Variants in DACH1 observed in about 807,000 individuals in gnomAD.
The protein encoded by DACH1 is dachshund homolog 1.
Under a neutral mutation model 54.2 loss-of-function variants are expected in DACH1, and 12 were observed. That is an observed-to-expected ratio of 0.22 (90% CI 0.14 to 0.36). The LOEUF is 0.36. DACH1 is among the 10% of genes least tolerant of loss of function. DACH1 has a pLI of 1.00. For synonymous variants in DACH1, 386 were observed against 366.2 expected (o/e 1.05, Z -0.62); for missense variants, 805 against 929.8 (o/e 0.87, Z 1.75).
chr13:71,492,213 T>G (rs1446784156), intron 6 of DACH1, among the ~76,000 whole-genome samples: 1 of 152,180 alleles, frequency 6.6e-6, no homozygotes, highest in South Asian at 2.1e-4. Flanking sequence ...GCAAACTATA[T>G]GTTTATTCAT....
chr13:71,852,427 A>G (rs1873732972), intron 1 of DACH1, among the ~76,000 whole-genome samples: 1 of 152,060 alleles, frequency 6.6e-6, no homozygotes, highest in Admixed American at 6.6e-5. Flanking sequence ...ACAAGAAGAT[A>G]GGCATTTAAG....
chr13:71,444,839 T>A (rs1874306413), intron 10 of DACH1, among the ~76,000 whole-genome samples: 1 of 152,274 alleles, frequency 6.6e-6, no homozygotes, highest in Non-Finnish European at 1.5e-5. Flanking sequence ...CTAGGTTTAG[T>A]GGCCTGTCTA....
intron 6 of DACH1, among the ~76,000 whole-genome samples, chr13:71,521,135 T>C (rs1203869815): frequency 6.6e-6 from 1 of 152,080 alleles, no homozygotes; most frequent in African/African-American, 2.4e-5. Context: ...CTCTGTCTTA[T>C]TATCTTCATT....
chr13:71,558,293 C>A (rs186135479), intron 5 of DACH1, among the ~76,000 whole-genome samples: 2 of 151,942 alleles, frequency 1.3e-5, no homozygotes, highest in Admixed American at 1.3e-4. Flanking sequence ...TGAAAATTTT[C>A]TGTTAGTCTA....
At chr13:71,472,927 G>A (rs1271548344) in intron 10 of DACH1, among the ~76,000 whole-genome samples, 4 of 152,240 alleles carry the variant, frequency 2.6e-5, no homozygotes, top group East Asian at 1.9e-4. Context: ...AATTTTGTCT[G>A]AGGTTAGAAA....
rs191386960 is a variant in DACH1, at chr13:71,573,658, T to C, written c.1127-646A>G. 157 of 437,906 alleles carry C rather than the reference T, an allele frequency of 3.6e-4. 1 individual carries two copies. The East Asian group carries it at 5.5e-3, about 15-fold the overall frequency. 27.1% of individuals were successfully genotyped at this position (437,906 alleles called of 1,614,324 possible). On this transcript the variant is annotated intron_variant, in intron 3 of 10. Coordinates refer to ENST00000613252, the MANE Select transcript of DACH1 (RefSeq NM_080759.6). Reference sequence around the variant, plus strand: ...AACTTAAAATGAGTTTTTTAAAAAATGTATCACATTTGGAGTTGGAAAACT... The same window carrying C: ...AACTTAAAATGAGTTTTTTAAAAAACGTATCACATTTGGAGTTGGAAAACT...
intron 6 of DACH1, among the ~76,000 whole-genome samples, chr13:71,545,469 A>G (rs931270133): frequency 1.3e-5 from 2 of 151,594 alleles, no homozygotes; most frequent in African/African-American, 4.8e-5. Flanking sequence ...ACCTCAAAGT[A>G]TCTCATAGTT....
chr13:71,558,804 T>A (rs1884413781), intron 5 of DACH1, among the ~76,000 whole-genome samples: 1 of 152,066 alleles, frequency 6.6e-6, no homozygotes, highest in African/African-American at 2.4e-5. Flanking sequence ...TACACAGCAT[T>A]CAACTTAATC....
At chr13:71,780,119 C>A (rs755337576) in intron 1 of DACH1, among the ~76,000 whole-genome samples, 25 of 151,776 alleles carry the variant, frequency 1.6e-4, no homozygotes, top group Admixed American at 3.3e-4. Context: ...AGGTAAAGAT[C>A]AATAGAGATT....
rs970216736 is a variant in DACH1, at chr13:71,615,502, TATTG to T, written c.1126+15050_1126+15053del. Among the ~76,000 whole-genome samples, 12 of 152,336 alleles carry T rather than the reference TATTG, an allele frequency of 7.9e-5. No homozygotes were observed. In the South Asian group the frequency reaches 1.9e-3, roughly 24 times the overall value. On this transcript the variant is annotated intron_variant, in intron 3 of 10. Transcript: ENST00000613252. ...TTTCAATTAAAGTTTACTGGCTGAT[TATTG>T]ATTTATTTTTAAAAATATGCAGATG...
chr13:71,456,259 G>A (rs1475337813), intron 10 of DACH1, among the ~76,000 whole-genome samples: 1 of 152,038 alleles, frequency 6.6e-6, no homozygotes, highest in Non-Finnish European at 1.5e-5. Context: ...TAATAAATGT[G>A]CATATATTTA....
Position 71,440,529 on chromosome 13 carries a change from G to T in DACH1, c.*126C>A, listed in dbSNP as rs1038201881. On this transcript the variant is annotated 3_prime_UTR_variant, in exon 11 of 11. Transcript: ENST00000613252. The stretch of plus-strand genomic sequence containing the variant: ...TTTGTAGAATACTTAAACTTTTAAA[G>T]AACATTAATACACAAAATTCAGGAA... 22 of 624,678 alleles carry T rather than the reference G, an allele frequency of 3.5e-5. No individual in the cohort carries two copies. The highest frequency in any genetic ancestry group is 4.0e-5 in the Non-Finnish European group (15 of 373,640). The allele number at this position is 624,678 out of a possible 1,614,324, so 38.7% of individuals were successfully genotyped here.
chr13:71,749,624 C>T (rs1195163978), intron 1 of DACH1, among the ~76,000 whole-genome samples: 2 of 152,132 alleles, frequency 1.3e-5, no homozygotes, highest in African/African-American at 4.8e-5. Flanking sequence ...GAGAAAATTA[C>T]AGGCATTCCC....
intron 1 of DACH1, among the ~76,000 whole-genome samples, chr13:71,823,010 C>T (rs1888250041): frequency 6.6e-6 from 1 of 152,062 alleles, no homozygotes; most frequent in Admixed American, 6.5e-5. Context: ...GGGACTATAT[C>T]CTGTAAAATA....
chr13:71,800,646 T>C (rs1008294524), intron 1 of DACH1, among the ~76,000 whole-genome samples: 6 of 152,074 alleles, frequency 3.9e-5, no homozygotes, highest in African/African-American at 1.4e-4. Context: ...CTTGATTACT[T>C]AACCAGTATT....
chr13:71,503,504 C>T (rs1168140623), intron 6 of DACH1, among the ~76,000 whole-genome samples: 1 of 152,034 alleles, frequency 6.6e-6, no homozygotes, highest in East Asian at 1.9e-4. Context: ...GTTTGAGTTG[C>T]CTTTTTAGAA....
intron 3 of DACH1, among the ~76,000 whole-genome samples, chr13:71,604,518 G>A (rs1188761143): frequency 6.6e-6 from 1 of 151,844 alleles, no homozygotes; most frequent in South Asian, 2.1e-4. Context: ...AAACCAAACC[G>A]TTAAATGTTA....
At chr13:71,693,560 C>T (rs1881647496) in intron 1 of DACH1, among the ~76,000 whole-genome samples, 1 of 149,998 alleles carries the variant, frequency 6.7e-6, no homozygotes, top group African/African-American at 2.5e-5. Flanking sequence ...CCTGGTGATC[C>T]GCCCGCCTCG....
chr13:71,655,088 C>T (rs1365291293), intron 2 of DACH1, among the ~76,000 whole-genome samples: 2 of 152,182 alleles, frequency 1.3e-5, no homozygotes, highest in East Asian at 1.9e-4. Context: ...CATTTGAAAT[C>T]ATTGAAAGCA....
Sources: allele counts gnomAD v4.1 joint callset (sites outside exome capture counted in the v4.1 genomes callset), GRCh38; gene constraint gnomAD v4.1.1; transcripts MANE v1.5; gene names NCBI Gene and HGNC (gene_info 2026-07-23, HGNC 2026-07-21).